RASSF5: variants seen among roughly 807,000 people sequenced by gnomAD.
RASSF5 encodes the protein Ras association domain family member 5.
In RASSF5, 25 loss-of-function variants were observed where a neutral mutation model predicts 40.5. The ratio of observed to expected loss-of-function variants is 0.62; its 90% CI spans 0.45 to 0.86. The LOEUF (loss-of-function observed/expected upper bound fraction) is 0.86. RASSF5 is among the 40% of genes least tolerant of loss of function. The pLI is 0.00. For missense variants in RASSF5, 521 were observed against 572.8 expected (o/e 0.91, Z 0.92); for synonymous variants, 246 against 252.4 (o/e 0.97, Z 0.24).
chr1:206,586,454 C>T (rs1553407667), intron 5 of RASSF5: 6 of 196,356 alleles, frequency 3.1e-5, no homozygotes, highest in Non-Finnish European at 1.0e-5. Context: ...CAACCCCGGT[C>T]TCCTGAGTCC....
At position 206,587,753 on chromosome 1, in the gene RASSF5, A is replaced by G. The variant is rs1230316159; in HGVS notation, c.*775A>G. ...TTACAAATTTGAATTTAATGTTGTCATCATCGTCATGTGTTTCCCCAAAGG... is the reference window on the plus strand; with the variant it reads ...TTACAAATTTGAATTTAATGTTGTCGTCATCGTCATGTGTTTCCCCAAAGG... On this transcript the variant is annotated 3_prime_UTR_variant, in exon 6 of 6. Coordinates refer to ENST00000579436, the MANE Select transcript of RASSF5 (RefSeq NM_182663.4). The G allele has an allele frequency of 3.3e-5, 5 of 152,576 alleles. No individual in the cohort carries two copies. In the South Asian group the frequency reaches 8.3e-4, roughly 25 times the overall value. 9.5% of individuals were successfully genotyped at this position (152,576 alleles called of 1,614,324 possible).
chr1:206,581,178 G>C (rs1558522313), intron 2 of RASSF5: 1 of 152,238 alleles, frequency 6.6e-6, no homozygotes. Flanking sequence ...AAATAAGAAT[G>C]ACATACATAG....
At chr1:206,523,087 C>G (rs1322586251) in intron 1 of RASSF5, among the ~76,000 whole-genome samples, 3 of 151,472 alleles carry the variant, frequency 2.0e-5, no homozygotes, top group African/African-American at 7.3e-5. Context: ...GGCAGACCAC[C>G]TGAGGTCAGG....
In RASSF5 at chr1:206,588,845, C is replaced by A. The variant is rs1159239947; in HGVS notation, c.*1867C>A. On this transcript the variant is annotated 3_prime_UTR_variant, in exon 6 of 6. Transcript: ENST00000579436. Reference sequence around the variant, plus strand: ...CAGGTGGAGAGTCATTTTCCTTCGTCCTGCATGTCTCTAACATTAATAGAA... The same window carrying A: ...CAGGTGGAGAGTCATTTTCCTTCGTACTGCATGTCTCTAACATTAATAGAA... 1 of 152,838 alleles carries A rather than the reference C, an allele frequency of 6.5e-6. No homozygotes were observed. The highest frequency in any genetic ancestry group is 1.9e-4 in the East Asian group (1 of 5,326). The allele number at this position is 152,838 out of a possible 1,614,324, so 9.5% of individuals were successfully genotyped here. A position where few individuals can be genotyped will look rare whatever the true frequency, so the allele number is the denominator to read the frequency against.
rs896200361 is a variant in RASSF5 at position 206,552,019 on chromosome 1, C to T, written c.579+13726C>T. On this transcript the variant is annotated intron_variant, in intron 2 of 5. Coordinates refer to ENST00000579436, the MANE Select transcript of RASSF5 (RefSeq NM_182663.4). The surrounding 1 kb of genome is among the most constrained non-coding windows in gnomAD (Gnocchi z 4.1). ...CCCTTGGGCCTGACTCAGACCCTGA[C>T]ATGAGTTCTTGAGGGTGTGGACAAC... is the stretch of plus-strand genomic sequence containing the variant. 6.6e-6 allele frequency among the ~76,000 whole-genome samples: 1 copy of T among 152,238 alleles called. No homozygotes were observed. The highest frequency in any genetic ancestry group is 1.5e-5 in the Non-Finnish European group (1 of 68,040).
intron 2 of RASSF5, chr1:206,557,448 C>T: frequency 1.4e-6 from 2 of 1,445,156 alleles, no homozygotes; most frequent in Non-Finnish European, 1.8e-6. Context: ...CAGCTCCCGG[C>T]TCGGGGCTCA....
chr1:206,512,885 C>T (rs1043653774), intron 1 of RASSF5, among the ~76,000 whole-genome samples: 2 of 152,194 alleles, frequency 1.3e-5, no homozygotes, highest in African/African-American at 4.8e-5. Context: ...TTTTCATGCC[C>T]GCTGCTACAT....
chr1:206,538,437 C>A, intron 2 of RASSF5, 144 bp downstream of exon 2: 2 of 1,137,624 alleles, frequency 1.8e-6, no homozygotes, highest in Admixed American at 2.3e-5. Context: ...CACAGACACC[C>A]TGTTCCAAGG....
chr1:206,565,836 G>C (rs1553403301), intron 2 of RASSF5, among the ~76,000 whole-genome samples: 2 of 152,206 alleles, frequency 1.3e-5, no homozygotes, highest in South Asian at 4.1e-4. Flanking sequence ...CACCACCACT[G>C]AGGAGGATGG....
At chr1:206,577,089 G>C (rs1354721866) in intron 2 of RASSF5, among the ~76,000 whole-genome samples, 10 of 152,036 alleles carry the variant, frequency 6.6e-5, no homozygotes, top group Admixed American at 6.6e-4. Flanking sequence ...GGGATTGTAG[G>C]TGTGAGCCAC....
chr1:206,578,374 G>A (rs756822810), intron 2 of RASSF5, among the ~76,000 whole-genome samples: 7 of 152,182 alleles, frequency 4.6e-5, no homozygotes, highest in Non-Finnish European at 8.8e-5. Flanking sequence ...CATCATAATA[G>A]TATTTTTTGT....
chr1:206,525,942 C>A (rs1459950892), intron 1 of RASSF5, among the ~76,000 whole-genome samples: 1 of 152,164 alleles, frequency 6.6e-6, no homozygotes, highest in African/African-American at 2.4e-5. Context: ...GGCTCTCTTT[C>A]CTGTGCCTCA....
intron 2 of RASSF5, chr1:206,581,271 C>G (rs1668863009): frequency 6.6e-6 from 1 of 152,454 alleles, no homozygotes. Flanking sequence ...ACAGCGGGAG[C>G]AGACAGGCCA....
At chr1:206,556,258 A>AGTGT in intron 2 of RASSF5, among the ~76,000 whole-genome samples, 2 of 152,360 alleles carry the variant, frequency 1.3e-5, no homozygotes, top group South Asian at 4.1e-4. Context: ...GCTGAGTCCC[A>AGTGT]GCACACGTGT....
chr1:206,565,570 C>T (rs1668266707), intron 2 of RASSF5, among the ~76,000 whole-genome samples: 1 of 152,208 alleles, frequency 6.6e-6, no homozygotes, highest in South Asian at 2.1e-4. Context: ...CCTTAGGGCC[C>T]CCAGCCCACA....
chr1:206,556,873 G>A (rs1309781333), intron 2 of RASSF5, among the ~76,000 whole-genome samples: 1 of 152,104 alleles, frequency 6.6e-6, no homozygotes, highest in Non-Finnish European at 1.5e-5. Context: ...AAGGGAGGAG[G>A]GATGGTGTTG....
chr1:206,567,266 G>A (rs1365766458), intron 2 of RASSF5, among the ~76,000 whole-genome samples: 4 of 152,146 alleles, frequency 2.6e-5, no homozygotes, highest in Non-Finnish European at 5.9e-5. Context: ...TGGGGCCTCC[G>A]AGGGGGTTGG....
intron 2 of RASSF5, among the ~76,000 whole-genome samples, chr1:206,551,185 C>T (rs566347960): frequency 6.6e-6 from 1 of 152,172 alleles, no homozygotes; most frequent in Non-Finnish European, 1.5e-5. Context: ...ATACATTAGA[C>T]CCCACCTAGT....
At chr1:206,528,871 C>T in intron 1 of RASSF5, 1 of 489,362 alleles carries the variant, frequency 2.0e-6, no homozygotes, top group Non-Finnish European at 3.6e-6. Context: ...AACCTCGTCT[C>T]TACAAAAAAT....
Sources: gnomAD v4.1 joint callset for allele counts (sites outside exome capture counted in the v4.1 genomes callset) on GRCh38, gnomAD v4.1.1 for gene constraint, Gnocchi (gnomAD v3.1) non-coding constraint, MANE v1.5 for transcripts, NCBI Gene and HGNC (gene_info 2026-07-23, HGNC 2026-07-21) for gene names.